SMARCA4: variants seen among roughly 807,000 people sequenced by gnomAD.
SMARCA4 encodes the protein SWI/SNF-related matrix-associated actin-dependent regulator of chromatin subfamily A member 4.
Under a neutral mutation model 193.9 loss-of-function variants are expected in SMARCA4, and 31 were observed. The ratio of observed to expected loss-of-function variants is 0.16; its 90% CI spans 0.12 to 0.22. The LOEUF (loss-of-function observed/expected upper bound fraction) is 0.22. Ranked by LOEUF, SMARCA4 falls within the 10% of genes least tolerant of loss-of-function variation. The pLI, the probability that SMARCA4 is intolerant of heterozygous loss-of-function variation, is 1.00. For synonymous variants in SMARCA4, 942 were observed against 933.1 expected, an observed-to-expected ratio of 1.01 and a Z score of -0.17; for missense variants, 1,148 against 2,296.0, an observed-to-expected ratio of 0.50 and a Z score of 10.22.
chr19:10,979,062 G>A (rs984193085), intron 1 of SMARCA4, among the ~76,000 whole-genome samples: 2 of 152,188 alleles, frequency 1.3e-5, no homozygotes, highest in Admixed American at 6.6e-5. Flanking sequence ...AAGAAGATGC[G>A]ATTGGACATT....
intron 30 of SMARCA4, among the ~76,000 whole-genome samples, chr19:11,047,378 A>G (rs890506373): frequency 6.7e-6 from 1 of 149,476 alleles, no homozygotes; most frequent in African/African-American, 2.5e-5. Context: ...GACACAGAGC[A>G]CTGCCAACCA....
chr19:11,007,012 A>G (rs2088283041), intron 13 of SMARCA4, among the ~76,000 whole-genome samples: 1 of 152,094 alleles, frequency 6.6e-6, no homozygotes, highest in Admixed American at 6.6e-5. Context: ...GCTTAAGTCC[A>G]GTGGGTGGAG....
At chr19:11,061,758 ACT>A (rs763321722) in intron 34 of SMARCA4, 24 bp from the exon 35 acceptor site, 13 of 1,612,216 alleles carry the variant, frequency 8.1e-6, no homozygotes, top group Admixed American at 1.7e-5. Flanking sequence ...GCCAACGCAC[ACT>A]CTCTCCTCCT....
rs932772869 is a variant in SMARCA4, at chr19:11,019,767, G to A, written c.2616+66G>A. 9.2e-5 allele frequency: 101 copies of A among 1,097,782 alleles called. No homozygotes were observed. The highest frequency in any genetic ancestry group is 1.2e-4 in the Non-Finnish European group (87 of 724,888). The allele number at this position is 1,097,782 out of a possible 1,614,324, so 68.0% of individuals were successfully genotyped here. On this transcript the variant is annotated intron_variant, in intron 18 of 34. Transcript: ENST00000344626. This position sits in a 1 kb window ranked among gnomAD's most constrained non-coding sequence, Gnocchi z 6.1. ...TGCTCACACGTGGGTCACGCTGCCC[G>A]TCTCCTCCAAAGCCCCTACAAGTTT...
At chr19:11,053,037 A>G (rs2076347436) in intron 30 of SMARCA4, among the ~76,000 whole-genome samples, 1 of 152,110 alleles carries the variant, frequency 6.6e-6, no homozygotes, top group South Asian at 2.1e-4. Flanking sequence ...GCCTCCAGAT[A>G]TAGGGCATCA....
chr19:11,027,227 C>T (rs1382709965), intron 23 of SMARCA4, among the ~76,000 whole-genome samples: 1 of 152,178 alleles, frequency 6.6e-6, no homozygotes, highest in Admixed American at 6.5e-5. Context: ...GGAACAGGGT[C>T]CTGTACACCT....
intron 6 of SMARCA4, 137 bp downstream of exon 6, chr19:10,988,061 C>G (rs560300419): frequency 7.4e-6 from 6 of 807,316 alleles, no homozygotes; most frequent in African/African-American, 6.8e-5. Context: ...CACCTCCTTC[C>G]TCACCTCCCT....
chr19:10,969,339 T>G (rs1165483752), intron 1 of SMARCA4, among the ~76,000 whole-genome samples: 1 of 152,202 alleles, frequency 6.6e-6, no homozygotes, highest in Non-Finnish European at 1.5e-5. Flanking sequence ...CTTGAACCCC[T>G]TGGCTCAAAG....
chr19:11,045,760 T>C (rs1368904259), intron 30 of SMARCA4, among the ~76,000 whole-genome samples: 1 of 152,176 alleles, frequency 6.6e-6, no homozygotes, highest in Non-Finnish European at 1.5e-5. Context: ...TTGTAGCCTT[T>C]GTAAGATTTG....
Position 11,002,007 on chromosome 19 carries a change from A to G in SMARCA4, c.1813-1022A>G, listed in dbSNP as rs528925371. Among the ~76,000 whole-genome samples, 51 of 152,332 alleles carry G rather than the reference A, an allele frequency of 3.3e-4. 1 individual carries two copies. Among genetic ancestry groups the G allele is most frequent in the Admixed American group, 2.4e-3 (37 of 15,298 alleles). On this transcript the variant is annotated intron_variant, in intron 11 of 34. Coordinates refer to ENST00000344626, the MANE Select transcript of SMARCA4 (RefSeq NM_003072.5). ...ACAAATAGAGTATAAGTGGGGGAAA[A>G]AATCAAGGTCCAAAGAATGTAAATT...
chr19:11,015,710 A>G (rs942603633), intron 16 of SMARCA4, among the ~76,000 whole-genome samples: 1 of 152,122 alleles, frequency 6.6e-6, no homozygotes, highest in Non-Finnish European at 1.5e-5. Flanking sequence ...ACTAGGTGAT[A>G]AAGAAAAGAG....
At chr19:11,013,794 C>G (rs58925439) in intron 16 of SMARCA4, among the ~76,000 whole-genome samples, 7,402 of 152,256 alleles carry the variant, frequency 0.049, 242 homozygotes, top group South Asian at 0.11. Context: ...GCCACCAGAG[C>G]CCTCGGGCAC....
intron 1 of SMARCA4, among the ~76,000 whole-genome samples, chr19:10,978,780 AAT>A (rs113134927): frequency 1.4e-4 from 21 of 148,180 alleles, no homozygotes; most frequent in Admixed American, 3.4e-4. Flanking sequence ...AAATACAAAA[AAT>A]ATATATATAT....
At chr19:11,007,818 C>T (rs2146185707) in intron 13 of SMARCA4, 84 bp from the exon 14 acceptor site, 2 of 1,471,548 alleles carry the variant, frequency 1.4e-6, no homozygotes, top group Non-Finnish European at 1.9e-6. Context: ...AGATCACTTG[C>T]TTCTGAGACT....
rs1389184364 is a variant in SMARCA4 at position 11,058,846 on chromosome 19, T to A, written c.4592T>A (p.Leu1531His). 3 of 1,613,964 alleles carry A rather than the reference T, an allele frequency of 1.9e-6. No individual in the cohort carries two copies. The highest frequency in any genetic ancestry group is 2.5e-6 in the Non-Finnish European group (3 of 1,180,002). ...SLNDLEKDVM[L>H]LCQNAQTFNL... ...AACGACCTAGAGAAGGACGTCATGC[T>A]CCTGTGCCAGAACGCACAGACCTTC... The change falls in exon 32 of 35, where the codon CTC (leucine) becomes CAC (histidine). Residue 1531 changes from leucine (L) to histidine (H), a missense_variant. Leu to His is a moderately conservative substitution (Grantham distance 99). Coordinates refer to ENST00000344626, the MANE Select transcript of SMARCA4 (RefSeq NM_003072.5). The surrounding 1 kb of genome is among the most constrained non-coding windows in gnomAD (Gnocchi z 5.8).
At chr19:11,013,979 T>TCAGG (rs1177923378) in intron 16 of SMARCA4, among the ~76,000 whole-genome samples, 1 of 152,140 alleles carries the variant, frequency 6.6e-6, no homozygotes, top group African/African-American at 2.4e-5. Flanking sequence ...AAGGGGGACC[T>TCAGG]GCCTAGGGTT....
At chr19:10,998,662 C>G (rs1268048017) in intron 11 of SMARCA4, among the ~76,000 whole-genome samples, 1 of 152,078 alleles carries the variant, frequency 6.6e-6, no homozygotes, top group East Asian at 1.9e-4. Context: ...TCTGCCAACC[C>G]CTGGTGTAGA....
Position 10,986,998 on chromosome 19 carries a change from C to T in SMARCA4, c.854C>T (p.Pro285Leu). Reference protein sequence around the residue: ...QPPGGPPKPWPEGPMANAAAP... With the variant: ...QPPGGPPKPWLEGPMANAAAP... ...CCTGGAGGGCCTCCCAAGCCCTGGC[C>T]TGAAGGTGAGCTCCCTCTTCTATGG... Residue 285 changes from proline to leucine, a missense_variant, in exon 5 of 35, where the codon CCT becomes CTT. Physicochemically the swap from Pro to Leu is moderately conservative, Grantham distance 98. Around this residue, in one of 17 missense-constraint regions of SMARCA4, gnomAD observed 257 missense variants for 276.5 expected, o/e 0.93. Coordinates refer to ENST00000344626, the MANE Select transcript of SMARCA4 (RefSeq NM_003072.5). This position sits in a 1 kb window ranked among gnomAD's most constrained non-coding sequence, Gnocchi z 6.7. The T allele has an allele frequency of 6.2e-7, 1 of 1,602,846 alleles. No individual in the cohort carries two copies. The highest frequency in any genetic ancestry group is 8.5e-7 in the Non-Finnish European group (1 of 1,178,140).
chr19:11,021,287 T>A (rs974159995), intron 18 of SMARCA4: 30 of 347,166 alleles, frequency 8.6e-5, no homozygotes, highest in Non-Finnish European at 9.1e-5. Flanking sequence ...GGGGCCCACA[T>A]TCTGAACCAC....
Sources: gnomAD v4.1 joint callset for allele counts (sites outside exome capture counted in the v4.1 genomes callset) on GRCh38, gnomAD v4.1.1 for gene constraint, gnomAD v4.1.1 regional missense constraint, Gnocchi (gnomAD v3.1) non-coding constraint, MANE v1.5 for transcripts, NCBI Gene and HGNC (gene_info 2026-07-23, HGNC 2026-07-21) for gene names.